Variants in OSBPL5 observed in about 807,000 individuals in gnomAD.
OSBPL5 encodes the protein oxysterol binding protein like 5.
A neutral mutation model predicts 111.2 loss-of-function variants in OSBPL5; 71 were observed. The ratio of observed to expected loss-of-function variants is 0.64; its 90% CI spans 0.53 to 0.78. The LOEUF (loss-of-function observed/expected upper bound fraction) is 0.78, where lower values mean the gene tolerates loss of function less well. OSBPL5 is among the 30% of genes least tolerant of loss of function. The pLI is 0.00. For synonymous variants in OSBPL5, 549 were observed against 513.9 expected, an observed-to-expected ratio of 1.07 and a Z score of -0.93; for missense variants, 1,210 against 1,189.3, an observed-to-expected ratio of 1.02 and a Z score of -0.26.
At chr11:3,098,385 A>G (rs1857344074) in intron 14 of OSBPL5, among the ~76,000 whole-genome samples, 4 of 151,786 alleles carry the variant, frequency 2.6e-5, no homozygotes, top group Admixed American at 2.0e-4. Context: ...TCTGGACTTC[A>G]TCAAAGCCAC....
chr11:3,107,755 C>T lies in OSBPL5; in HGVS notation c.866+16G>A, dbSNP rs375843395. On this transcript the variant is annotated intron_variant, in intron 8 of 21. Transcript: ENST00000263650. The surrounding 1 kb of genome is among the most constrained non-coding windows in gnomAD (Gnocchi z 6.1). ...CCGTGAATCACCACCAGCCCCTGTG[C>T]CCTCGCCCCACTCACGGGAACAGGT... is the stretch of plus-strand genomic sequence containing the variant. 30 of 1,609,564 alleles carry T rather than the reference C, an allele frequency of 1.9e-5. No homozygotes were observed. In the African/African-American group the frequency reaches 4.0e-4, roughly 21 times the overall value.
chr11:3,104,049 G>T lies in OSBPL5; in HGVS notation c.1244+144C>A. ...TCTTGGAGACAGGGCCCCCTGGGAG[G>T]CTACAGCTGCAGAAACAGTGGGCTG... On this transcript the variant is annotated intron_variant, in intron 10 of 21. Coordinates refer to ENST00000263650, the MANE Select transcript of OSBPL5 (RefSeq NM_020896.4). This position sits in a 1 kb window ranked among gnomAD's most constrained non-coding sequence, Gnocchi z 5.0. 1 of 1,052,768 alleles carries T rather than the reference G, an allele frequency of 9.5e-7. No individual in the cohort carries two copies. Among genetic ancestry groups the T allele is most frequent in the Non-Finnish European group, 1.3e-6 (1 of 746,980 alleles). 65.2% of individuals were successfully genotyped at this position (1,052,768 alleles called of 1,614,324 possible). A position where few individuals can be genotyped will look rare whatever the true frequency, so the allele number is the denominator to read the frequency against.
intron 1 of OSBPL5, among the ~76,000 whole-genome samples, chr11:3,131,637 GTCTAT>G (rs941692531): frequency 9.1e-6 from 1 of 109,886 alleles, no homozygotes; most frequent in African/African-American, 3.6e-5. Context: ...TCATCCACCC[GTCTAT>G]TCATCCATCC....
In OSBPL5 at chr11:3,088,068, G is replaced by A; in HGVS notation, c.*137C>T. On this transcript the variant is annotated 3_prime_UTR_variant, in exon 22 of 22. Transcript: ENST00000263650. ...GGGCCCGCAGCGCCTTGTGGCCCCGGGTCCCTCCTGCGCCTGGACTCCCCG... is the reference window on the plus strand; with the variant it reads ...GGGCCCGCAGCGCCTTGTGGCCCCGAGTCCCTCCTGCGCCTGGACTCCCCG... The A allele has an allele frequency of 1.2e-6, 1 of 828,890 alleles. No homozygotes were observed. Among genetic ancestry groups the A allele is most frequent in the South Asian group, 2.4e-5 (1 of 42,052 alleles). 51.3% of individuals were successfully genotyped at this position (828,890 alleles called of 1,614,324 possible).
chr11:3,126,619 T>C lies in OSBPL5; in HGVS notation c.137-64A>G. On this transcript the variant is annotated intron_variant, in intron 2 of 21. Transcript: ENST00000263650. This position sits in a 1 kb window ranked among gnomAD's most constrained non-coding sequence, Gnocchi z 6.5. ...GGCGTGGCCAGGCTTCTCAGGCCGC[T>C]GCCTGGTGTGAGGCAGGCGAAGCGT... is the stretch of plus-strand genomic sequence containing the variant. 1.4e-6 allele frequency: 2 copies of C among 1,430,472 alleles called. No homozygotes were observed. Among genetic ancestry groups the C allele is most frequent in the Non-Finnish European group, 1.9e-6 (2 of 1,052,698 alleles). The allele number at this position is 1,430,472 out of a possible 1,614,324, so 88.6% of individuals were successfully genotyped here.
intron 1 of OSBPL5, among the ~76,000 whole-genome samples, chr11:3,137,116 C>A (rs1262310784): frequency 6.6e-6 from 1 of 152,214 alleles, no homozygotes; most frequent in African/African-American, 2.4e-5. Flanking sequence ...AAGGTCAATG[C>A]AAGTGACCAT....
In OSBPL5 at chr11:3,110,366, C is replaced by A. The variant is rs1857878275; in HGVS notation, c.692-2421G>T. ...GAGGGAGGAACGGCCAAGAGGGAAT[C>A]CCTCCAGGTGGAGGATCATCGCAGT... On this transcript the variant is annotated intron_variant, in intron 7 of 21. Coordinates refer to ENST00000263650, the MANE Select transcript of OSBPL5 (RefSeq NM_020896.4). The surrounding 1 kb of genome is among the most constrained non-coding windows in gnomAD (Gnocchi z 5.3). Among the ~76,000 whole-genome samples, 1 of 152,236 alleles carries A rather than the reference C, an allele frequency of 6.6e-6. No individual in the cohort carries two copies. The highest frequency in any genetic ancestry group is 1.5e-5 in the Non-Finnish European group (1 of 68,050).
intron 1 of OSBPL5, among the ~76,000 whole-genome samples, chr11:3,163,355 G>A (rs939366949): frequency 6.6e-6 from 1 of 152,138 alleles, no homozygotes; most frequent in African/African-American, 2.4e-5. Flanking sequence ...AAACACAGCT[G>A]GCAGAGACAC....
chr11:3,141,772 T>G lies in OSBPL5; in HGVS notation c.-21-12603A>C, dbSNP rs1368328528. The stretch of plus-strand genomic sequence containing the variant: ...CACAGGATGCTAAATGGGGTGACAG[T>G]AGGAACACCCACCCCCCACCCGCCT... On this transcript the variant is annotated intron_variant, in intron 1 of 21. Coordinates refer to ENST00000263650, the MANE Select transcript of OSBPL5 (RefSeq NM_020896.4). The surrounding 1 kb of genome is among the most constrained non-coding windows in gnomAD (Gnocchi z 6.5). 1.3e-5 allele frequency among the ~76,000 whole-genome samples: 2 copies of G among 151,796 alleles called. No individual in the cohort carries two copies. Among genetic ancestry groups the G allele is most frequent in the East Asian group, 3.9e-4 (2 of 5,144 alleles).
At chr11:3,152,742 C>T (rs932813797) in intron 1 of OSBPL5, among the ~76,000 whole-genome samples, 10 of 151,904 alleles carry the variant, frequency 6.6e-5, no homozygotes, top group African/African-American at 1.9e-4. Flanking sequence ...GTTTGATACA[C>T]GCTGCTGGCT....
In OSBPL5 at chr11:3,121,019, A is replaced by C. The variant is rs35879607; in HGVS notation, c.403-395T>G. Among the ~76,000 whole-genome samples, 40,780 of 151,420 alleles carry C rather than the reference A, an allele frequency of 0.27. 5,695 individuals are homozygous for C. Among genetic ancestry groups the C allele is most frequent in the Admixed American group, 0.31 (4,734 of 15,248 alleles). On this transcript the variant is annotated intron_variant, in intron 5 of 21. Coordinates refer to ENST00000263650, the MANE Select transcript of OSBPL5 (RefSeq NM_020896.4). The surrounding 1 kb of genome is among the most constrained non-coding windows in gnomAD (Gnocchi z 4.3). The stretch of plus-strand genomic sequence containing the variant: ...AGGTCAAGGGCCTCAGGGAGGAACC[A>C]GCAATGAGTGGTGTGACTTGTAACT...
Position 3,087,851 on chromosome 11 carries a change from C to T in OSBPL5, c.*354G>A, listed in dbSNP as rs1243302022. On this transcript the variant is annotated 3_prime_UTR_variant, in exon 22 of 22. Coordinates refer to ENST00000263650, the MANE Select transcript of OSBPL5 (RefSeq NM_020896.4). ...GCTGCTGGGGTGTGACTGTCCAGGG[C>T]CCCCACAGGCCCTCCCACCCTAAAT... 3.8e-5 allele frequency: 7 copies of T among 182,814 alleles called. No individual in the cohort carries two copies. The highest frequency in any genetic ancestry group is 6.8e-5 in the Non-Finnish European group (6 of 88,484). The allele number at this position is 182,814 out of a possible 1,614,324, so 11.3% of individuals were successfully genotyped here. A position where few individuals can be genotyped will look rare whatever the true frequency, so the allele number is the denominator to read the frequency against.
intron 14 of OSBPL5, among the ~76,000 whole-genome samples, chr11:3,097,124 A>G (rs1590638838): frequency 1.3e-3 from 157 of 122,182 alleles, no homozygotes; most frequent in East Asian, 2.6e-3. Flanking sequence ...AGGAGAGGAA[A>G]GAAGGGGAAG....
Position 3,129,088 on chromosome 11 carries a change from G to T in OSBPL5, c.61C>A (p.Gln21Lys). The stretch of plus-strand genomic sequence containing the variant: ...GTGAGCTTCCGGGGGTCGACTTTCT[G>T]AGGGGTGGAGGAAGGTGGACACAGG... ...FSLCPPSSTP[Q>K]KVDPRKLTRN... The change falls in exon 2 of 22, where the codon CAG (glutamine) becomes AAG (lysine). Residue 21 changes from glutamine (Q) to lysine (K), a missense_variant. By Grantham distance (53) the Gln-to-Lys change is moderately conservative. Coordinates refer to ENST00000263650, the MANE Select transcript of OSBPL5 (RefSeq NM_020896.4). The T allele has an allele frequency of 6.4e-7, 1 of 1,560,040 alleles. No homozygotes were observed.
rs1160129957 is a variant in OSBPL5, at chr11:3,087,997, G to A, written c.*208C>T. 4 of 442,094 alleles carry A rather than the reference G, an allele frequency of 9.0e-6. No individual in the cohort carries two copies. Among genetic ancestry groups the A allele is most frequent in the Non-Finnish European group, 1.2e-5 (3 of 253,648 alleles). The allele number at this position is 442,094 out of a possible 1,614,324, so 27.4% of individuals were successfully genotyped here. A position where few individuals can be genotyped will look rare whatever the true frequency, so the allele number is the denominator to read the frequency against. On this transcript the variant is annotated 3_prime_UTR_variant, in exon 22 of 22. Coordinates refer to ENST00000263650, the MANE Select transcript of OSBPL5 (RefSeq NM_020896.4). ...GCATTAAGGCCAGCGCTGGGCGGAA[G>A]GCCCTGCAGAGAGGCCAGTGCCCCT... is the stretch of plus-strand genomic sequence containing the variant.
In OSBPL5 at chr11:3,088,144, A is replaced by G; in HGVS notation, c.*61T>C. 1 of 1,442,368 alleles carries G rather than the reference A, an allele frequency of 6.9e-7. No individual in the cohort carries two copies. Among genetic ancestry groups the G allele is most frequent in the South Asian group, 1.4e-5 (1 of 69,308 alleles). 89.3% of individuals were successfully genotyped at this position (1,442,368 alleles called of 1,614,324 possible). A position where few individuals can be genotyped will look rare whatever the true frequency, so the allele number is the denominator to read the frequency against. On this transcript the variant is annotated 3_prime_UTR_variant, in exon 22 of 22. Coordinates refer to ENST00000263650, the MANE Select transcript of OSBPL5 (RefSeq NM_020896.4). ...TCTCTGCCTCCATGGAGCAGGCTTA[A>G]AGTGCTGGGTGCCTGGGAGGGAGGG...
rs543832785 is a variant in OSBPL5, at chr11:3,100,585, C to T, written c.1523-329G>A. On this transcript the variant is annotated intron_variant, in intron 13 of 21. Transcript: ENST00000263650. ...GAGCCCTGCTCAGATTTTAAACATC[C>T]CTGTGGAGGGAGTACGCCTCGCTTG... is the stretch of plus-strand genomic sequence containing the variant. Among the ~76,000 whole-genome samples, 13 of 152,276 alleles carry T rather than the reference C, an allele frequency of 8.5e-5. No homozygotes were observed. The South Asian group carries it at 2.5e-3, about 29-fold the overall frequency.
intron 1 of OSBPL5, among the ~76,000 whole-genome samples, chr11:3,156,795 G>T (rs907500029): frequency 6.6e-6 from 1 of 152,224 alleles, no homozygotes; most frequent in African/African-American, 2.4e-5. Flanking sequence ...GCCGAGGGCC[G>T]GCACCCACGG....
At chr11:3,152,235 G>C (rs1337027101) in intron 1 of OSBPL5, among the ~76,000 whole-genome samples, 2 of 152,228 alleles carry the variant, frequency 1.3e-5, no homozygotes, top group Non-Finnish European at 2.9e-5. Context: ...AGTGGTTCGT[G>C]TTCATGGTGC....
Sources: gnomAD v4.1 joint callset for allele counts (sites outside exome capture counted in the v4.1 genomes callset) on GRCh38, gnomAD v4.1.1 for gene constraint, Gnocchi (gnomAD v3.1) non-coding constraint, MANE v1.5 for transcripts, NCBI Gene and HGNC (gene_info 2026-07-23, HGNC 2026-07-21) for gene names.